The following MED8 variants were observed in gnomAD, a reference collection of about 807,000 sequenced individuals.
MED8 encodes mediator of RNA polymerase II transcription subunit 8.
In MED8, 22 loss-of-function variants were observed where a neutral mutation model predicts 34.8. The ratio of observed to expected loss-of-function variants is 0.63; its 90% CI spans 0.45 to 0.90. MED8 has a LOEUF of 0.90. MED8 is among the 40% of genes least tolerant of loss of function. The pLI is 0.00. For missense variants in MED8, 260 were observed against 326.3 expected (o/e 0.80, Z 1.57); for synonymous variants, 105 against 120.2 (o/e 0.87, Z 0.83).
Position 43,384,892 on chromosome 1 carries a change from C to T in MED8, c.*150G>A. ...AAATTAGGTCACTTGTCCAAGGTCACACAGCTAGTCAGTGGTGGAAGTGGG... is the reference window on the plus strand; with the variant it reads ...AAATTAGGTCACTTGTCCAAGGTCATACAGCTAGTCAGTGGTGGAAGTGGG... On this transcript the variant is annotated 3_prime_UTR_variant, in exon 7 of 7. Transcript: ENST00000372457. The T allele has an allele frequency of 7.0e-7, 1 of 1,425,856 alleles. No homozygotes were observed. The highest frequency in any genetic ancestry group is 9.2e-7 in the Non-Finnish European group (1 of 1,087,234). 88.3% of individuals were successfully genotyped at this position (1,425,856 alleles called of 1,614,324 possible).
chr1:43,385,417 T>C (rs1411039784), intron 6 of MED8: 2 of 300,444 alleles, frequency 6.7e-6, no homozygotes, highest in Non-Finnish European at 1.2e-5. Flanking sequence ...TTTTTCTTTT[T>C]TTATATCATA....
chr1:43,384,824 G>A lies in MED8; in HGVS notation c.*218C>T. On this transcript the variant is annotated 3_prime_UTR_variant, in exon 7 of 7. Coordinates refer to ENST00000372457, the MANE Select transcript of MED8 (RefSeq NM_201542.5). ...TTTAATCCTCACAACAACCCTATGA[G>A]GTAGGTATTATCACCATTTACAAAT... 1 of 1,382,302 alleles carries A rather than the reference G, an allele frequency of 7.2e-7. No individual in the cohort carries two copies. The highest frequency in any genetic ancestry group is 1.5e-5 in the African/African-American group (1 of 68,624). 85.6% of individuals were successfully genotyped at this position (1,382,302 alleles called of 1,614,324 possible). A position where few individuals can be genotyped will look rare whatever the true frequency, so the allele number is the denominator to read the frequency against.
rs546252586 is a variant in MED8, at chr1:43,389,777, G to C, written c.-13C>G. 9 of 1,609,342 alleles carry C rather than the reference G, an allele frequency of 5.6e-6. No individual in the cohort carries two copies. Among genetic ancestry groups the C allele is most frequent in the South Asian group, 5.5e-5 (5 of 90,260 alleles). ...CTCTCACCTGCATTGCGGCGGCCGA[G>C]GCGGCTGCCACGATTTCACTTCCGG... On this transcript the variant is annotated 5_prime_UTR_variant, in exon 1 of 7. Coordinates refer to ENST00000372457, the MANE Select transcript of MED8 (RefSeq NM_201542.5).
At chr1:43,385,207 C>A in intron 6 of MED8, 101 bp from the exon 7 acceptor site, 1 of 1,436,398 alleles carries the variant, frequency 7.0e-7, no homozygotes, top group South Asian at 1.4e-5. Context: ...CCTTTATCAT[C>A]TCAGAACCTC....
chr1:43,386,246 G>A lies in MED8; in HGVS notation c.494-20C>T, dbSNP rs369920185. The A allele has an allele frequency of 3.8e-5, 61 of 1,607,522 alleles. No individual in the cohort carries two copies. Among genetic ancestry groups the A allele is most frequent in the Non-Finnish European group, 4.0e-5 (47 of 1,178,100 alleles). ...GGAGACCTGAAGAAAAAGTAATGGG[G>A]ATCCTGAAGTATGCTTCTGATGCAG... On this transcript the variant is annotated intron_variant, in intron 5 of 6. Coordinates refer to ENST00000372457, the MANE Select transcript of MED8 (RefSeq NM_201542.5). The surrounding 1 kb of genome is among the most constrained non-coding windows in gnomAD (Gnocchi z 4.9).
In MED8 at chr1:43,384,393, G is replaced by A; in HGVS notation, c.*649C>T. 6.5e-7 allele frequency: 1 copy of A among 1,534,472 alleles called. No homozygotes were observed. The highest frequency in any genetic ancestry group is 8.8e-7 in the Non-Finnish European group (1 of 1,141,452). On this transcript the variant is annotated 3_prime_UTR_variant, in exon 7 of 7. Coordinates refer to ENST00000372457, the MANE Select transcript of MED8 (RefSeq NM_201542.5). ...AGGATAGGGGACTTTATGACTATTT[G>A]ACAGGTAAAAGCCAAGTTGGCTCCT... is the stretch of plus-strand genomic sequence containing the variant.
At chr1:43,389,617 G>T in intron 1 of MED8, 142 bp downstream of exon 1, 2 of 1,296,880 alleles carry the variant, frequency 1.5e-6, no homozygotes, top group Non-Finnish European at 1.0e-6. Flanking sequence ...AATTAGCCTC[G>T]CCCCCCAGCC....
Position 43,384,640 on chromosome 1 carries a change from C to T in MED8, c.*402G>A. On this transcript the variant is annotated 3_prime_UTR_variant, in exon 7 of 7. Coordinates refer to ENST00000372457, the MANE Select transcript of MED8 (RefSeq NM_201542.5). ...AGCATAGCCTTATTTGATCTTGTGT[C>T]CATCAGCTCACCATTGACGTGAGGC... 1 of 1,492,794 alleles carries T rather than the reference C, an allele frequency of 6.7e-7. No homozygotes were observed. Among genetic ancestry groups the T allele is most frequent in the Non-Finnish European group, 8.9e-7 (1 of 1,121,492 alleles). The allele number at this position is 1,492,794 out of a possible 1,614,324, so 92.5% of individuals were successfully genotyped here.
intron 2 of MED8, among the ~76,000 whole-genome samples, chr1:43,387,849 C>T (rs570362529): frequency 3.3e-5 from 5 of 152,108 alleles, no homozygotes; most frequent in South Asian, 4.1e-4. Flanking sequence ...ATGAAACAGA[C>T]GTAGAAAAAA....
At chr1:43,388,220 A>G (rs975646022) in intron 2 of MED8, 90 bp downstream of exon 2, 1 of 1,266,006 alleles carries the variant, frequency 7.9e-7, no homozygotes, top group African/African-American at 1.5e-5. Flanking sequence ...CAAACTGATA[A>G]ATGGTTACAT....
intron 1 of MED8, 171 bp from the exon 2 acceptor site, chr1:43,388,599 T>C (rs1159739409): frequency 3.5e-6 from 4 of 1,157,824 alleles, no homozygotes; most frequent in Non-Finnish European, 4.7e-6. Flanking sequence ...ATAGACAGCA[T>C]CAACCCTGAG....
At chr1:43,387,404 T>C in intron 3 of MED8, 99 bp downstream of exon 3, 2 of 1,464,440 alleles carry the variant, frequency 1.4e-6, no homozygotes, top group South Asian at 1.4e-5. Context: ...CCTCCAAAAT[T>C]ATTTCTAGGC....
chr1:43,386,056 G>A lies in MED8; in HGVS notation c.664C>T (p.Gln222Ter). The part of the protein sequence containing the change: ...TILAGTSGLQ[Q>*]VQMAGAPSQQ... ...CTTGGAGCTCCTGCCATCTGCACCT[G>A]CTGTAATCCTGAGGTTCCTGCAAGG... The change falls in exon 6 of 7, where the codon CAG becomes TAG. Residue 222 changes from glutamine (Q) to a stop codon, truncating the protein, a stop_gained. Coordinates refer to ENST00000372457, the MANE Select transcript of MED8 (RefSeq NM_201542.5). LOFTEE classifies it high-confidence loss of function. The surrounding 1 kb of genome is among the most constrained non-coding windows in gnomAD (Gnocchi z 4.9). 6.2e-7 allele frequency: 1 copy of A among 1,613,984 alleles called. No individual in the cohort carries two copies. Among genetic ancestry groups the A allele is most frequent in the Admixed American group, 1.7e-5 (1 of 60,004 alleles).
chr1:43,386,240 A>C lies in MED8; in HGVS notation c.494-14T>G. 6.2e-7 allele frequency: 1 copy of C among 1,609,436 alleles called. No homozygotes were observed. Among genetic ancestry groups the C allele is most frequent in the East Asian group, 2.2e-5 (1 of 44,862 alleles). ...TCGGCCGGAGACCTGAAGAAAAAGT[A>C]ATGGGGATCCTGAAGTATGCTTCTG... is the stretch of plus-strand genomic sequence containing the variant. On this transcript the variant is annotated splice_polypyrimidine_tract_variant and intron_variant, in intron 5 of 6. Transcript: ENST00000372457. The surrounding 1 kb of genome is among the most constrained non-coding windows in gnomAD (Gnocchi z 4.9).
At position 43,385,072 on chromosome 1, in the gene MED8, C is replaced by A; in HGVS notation, c.777G>T (p.Lys259Asn). Reference protein sequence around the residue: ...KMPSGIKTNIKSASMHPYQR With the variant: ...KMPSGIKTNINSASMHPYQR Reference sequence around the variant, plus strand: ...GCTGGTAGGGATGCATGGAAGCCGACTTGATGTTGGTTTTTATTCCACTTG... The same window carrying A: ...GCTGGTAGGGATGCATGGAAGCCGAATTGATGTTGGTTTTTATTCCACTTG... The change falls in exon 7 of 7, where the codon AAG becomes AAT. Residue 259 changes from lysine to asparagine, a missense_variant. By Grantham distance (94) the Lys-to-Asn change is moderately conservative (BLOSUM62 0). Coordinates refer to ENST00000372457, the MANE Select transcript of MED8 (RefSeq NM_201542.5). 6.4e-7 allele frequency: 1 copy of A among 1,557,184 alleles called. No homozygotes were observed. Among genetic ancestry groups the A allele is most frequent in the South Asian group, 1.2e-5 (1 of 84,358 alleles).
rs909179273 is a variant in MED8 at position 43,384,063 on chromosome 1, G to A, written c.*979C>T. ...GTTCAACTTTATAAAAGCAGGCAAA[G>A]CTACTGGGGGTTGCCCCCTCCCACC... On this transcript the variant is annotated 3_prime_UTR_variant, in exon 7 of 7. Coordinates refer to ENST00000372457, the MANE Select transcript of MED8 (RefSeq NM_201542.5). 1.0e-4 allele frequency: 17 copies of A among 165,580 alleles called. No homozygotes were observed. The highest frequency in any genetic ancestry group is 3.8e-4 in the African/African-American group (16 of 41,964). 10.3% of individuals were successfully genotyped at this position (165,580 alleles called of 1,614,324 possible).
chr1:43,385,908 C>G, intron 6 of MED8, 70 bp downstream of exon 6: 1 of 1,593,720 alleles, frequency 6.3e-7, no homozygotes, highest in Non-Finnish European at 8.6e-7. Context: ...TGCTGGAGGC[C>G]CAGATAATCT....
chr1:43,385,043 C>T lies in MED8; in HGVS notation c.806G>A (p.Ter269=). The change falls in exon 7 of 7, where the codon TGA becomes TAA. Residue 269 remains the stop codon, a stop_retained_variant. Transcript: ENST00000372457. ...GGGAGTCGAGGTTGCCAGCCACACT[C>T]ACCGCTGGTAGGGATGCATGGAAGC... ...KSASMHPYQR[*] is the part of the protein sequence containing the mutation. 6.4e-7 allele frequency: 1 copy of T among 1,556,106 alleles called. No homozygotes were observed. The highest frequency in any genetic ancestry group is 1.2e-5 in the South Asian group (1 of 84,240).
Position 43,386,606 on chromosome 1 carries a change from C to T in MED8, c.476G>A (p.Arg159Gln), listed in dbSNP as rs772236359. ...CATCATACCTCCACTCTCTGATTCT[C>T]GCTCCTCTTTGCTGATTTTCTCCAG... is the stretch of plus-strand genomic sequence containing the variant. The part of the protein sequence containing the change: ...NLLEKISKEE[R>Q]ESESGGLRPN... Residue 159 changes from arginine to glutamine, a missense_variant, in exon 5 of 7, where the codon CGA (arginine) becomes CAA (glutamine). Coordinates refer to ENST00000372457, the MANE Select transcript of MED8 (RefSeq NM_201542.5). This position sits in a 1 kb window ranked among gnomAD's most constrained non-coding sequence, Gnocchi z 4.9. 12 of 1,611,990 alleles carry T rather than the reference C, an allele frequency of 7.4e-6. No individual in the cohort carries two copies. Among genetic ancestry groups the T allele is most frequent in the African/African-American group, 2.7e-5 (2 of 75,012 alleles).
Sources: allele counts gnomAD v4.1 joint callset (sites outside exome capture counted in the v4.1 genomes callset), GRCh38; gene constraint gnomAD v4.1.1; non-coding constraint Gnocchi (gnomAD v3.1); transcripts MANE v1.5; gene names NCBI Gene and HGNC (gene_info 2026-07-23, HGNC 2026-07-21).